The following BRCA2 variants were observed in gnomAD, a reference collection of about 807,000 sequenced individuals.
BRCA2 encodes breast cancer type 2 susceptibility protein.
Under a neutral mutation model 276.7 loss-of-function variants are expected in BRCA2, and 203 were observed. The observed-to-expected ratio is 0.73, with a 90% CI of 0.65 to 0.82. BRCA2 has a LOEUF of 0.82. BRCA2 is among the 40% of genes least tolerant of loss of function. The probability of loss-of-function intolerance (pLI) is 0.00; values close to 1 mark genes in which losing one functional copy is unlikely to be tolerated. For synonymous variants in BRCA2, 1,289 were observed against 1,338.4 expected (o/e 0.96, Z 0.81); for missense variants, 3,920 against 3,915.0 (o/e 1.00, Z -0.03).
At position 32,336,943 on chromosome 13, in the gene BRCA2, AT is replaced by A. The variant is rs397507632; in HGVS notation, c.2589del (p.Gln864LysfsTer10). 1 of 1,589,540 alleles carries A rather than the reference AT, an allele frequency of 6.3e-7. No individual in the cohort carries two copies. Among genetic ancestry groups the A allele is most frequent in the Admixed American group, 1.9e-5 (1 of 52,394 alleles). On this transcript the variant is annotated frameshift_variant, in exon 11 of 27. Transcript: ENST00000380152. LOFTEE classifies it high-confidence loss of function. Reference sequence around the variant, plus strand: ...ACAAATCTAAGAGTAATCCAAAAAAATCAAGAAGAAACTACTTCAATTTCAA... The same window carrying A: ...ACAAATCTAAGAGTAATCCAAAAAAACAAGAAGAAACTACTTCAATTTCAA... ...QNTNLRVIQK[N>X]QEETTSISKI... is the part of the protein sequence containing the mutation.
At chr13:32,359,448 C>A (rs911700864) in intron 16 of BRCA2, among the ~76,000 whole-genome samples, 1 of 152,042 alleles carries the variant, frequency 6.6e-6, no homozygotes, top group Non-Finnish European at 1.5e-5. Flanking sequence ...TATATAACCT[C>A]TTTTTATTGT....
intron 24 of BRCA2, among the ~76,000 whole-genome samples, chr13:32,392,014 G>T (rs1241095116): frequency 6.6e-6 from 1 of 152,154 alleles, no homozygotes; most frequent in African/African-American, 2.4e-5. Flanking sequence ...TTGGGAGAAG[G>T]ACAGTACTAT....
chr13:32,389,686 A>G (rs561329904), intron 24 of BRCA2, among the ~76,000 whole-genome samples: 13 of 152,352 alleles, frequency 8.5e-5, no homozygotes, highest in African/African-American at 2.9e-4. Flanking sequence ...TTCAACTAAC[A>G]ACGGGTTTAT....
rs771011731 is a variant in BRCA2, at chr13:32,319,190, C to G, written c.181C>G (p.Leu61Val). The part of the protein sequence containing the change: ...EHKNNNYEPN[L>V]FKTPQRKPSY... The stretch of plus-strand genomic sequence containing the variant: ...TAAAAACAACAATTACGAACCAAAC[C>G]TATTTAAAACTCCACAAAGGAAACC... Residue 61 changes from leucine to valine, a missense_variant, in exon 3 of 27, where the codon CTA (leucine) becomes GTA (valine). By Grantham distance (32) the Leu-to-Val change is conservative. This residue lies in a region of BRCA2 where 3,263 missense variants were observed against 3,156.9 expected (regional missense o/e 1.03). Coordinates refer to ENST00000380152, the MANE Select transcript of BRCA2 (RefSeq NM_000059.4). 1.9e-6 allele frequency: 3 copies of G among 1,613,992 alleles called. No homozygotes were observed. The Admixed American group carries it at 5.0e-5, about 27-fold the overall frequency.
At chr13:32,368,800 TTTTTTTTTGG>T (rs1198263800) in intron 18 of BRCA2, among the ~76,000 whole-genome samples, 2 of 26,704 alleles carry the variant, frequency 7.5e-5, no homozygotes, top group East Asian at 1.4e-3. Context: ...GTTTTTTTGT[TTTTTTTTTGG>T]TTTTTTTTGT....
intron 1 of BRCA2, among the ~76,000 whole-genome samples, 190 bp downstream of exon 1, chr13:32,315,857 C>A (rs1308445726): frequency 6.6e-6 from 1 of 152,218 alleles, no homozygotes; most frequent in African/African-American, 2.4e-5. Context: ...ATTCGAGCCC[C>A]GCCCCTTCCC....
chr13:32,365,994 G>A (rs1169118727), intron 18 of BRCA2, among the ~76,000 whole-genome samples: 1 of 150,938 alleles, frequency 6.6e-6, no homozygotes, highest in East Asian at 1.9e-4. Flanking sequence ...CTTCTGGGAT[G>A]GTTTTTAATT....
intron 18 of BRCA2, among the ~76,000 whole-genome samples, chr13:32,366,617 T>C (rs554299271): frequency 1.1e-3 from 169 of 151,134 alleles, no homozygotes; most frequent in Admixed American, 2.8e-3. Context: ...AGGTCAGGAG[T>C]TCAAGACCAG....
chr13:32,329,616 C>T, intron 8 of BRCA2, 124 bp downstream of exon 8: 2 of 794,722 alleles, frequency 2.5e-6, no homozygotes, highest in Non-Finnish European at 4.1e-6. Flanking sequence ...TTGAGAAAGT[C>T]TCTAAACCTG....
At chr13:32,370,627 A>G in intron 19 of BRCA2, 70 bp downstream of exon 19, 1 of 1,530,688 alleles carries the variant, frequency 6.5e-7, no homozygotes, top group Non-Finnish European at 9.0e-7. Context: ...TGTTTGTTTG[A>G]GATGGAGTTT....
At chr13:32,372,139 A>G (rs2072838724) in intron 20 of BRCA2, among the ~76,000 whole-genome samples, 1 of 152,200 alleles carries the variant, frequency 6.6e-6, no homozygotes, top group African/African-American at 2.4e-5. Context: ...GTTTGATAGC[A>G]TTTTATCCAT....
intron 16 of BRCA2, among the ~76,000 whole-genome samples, chr13:32,360,874 G>T (rs189862250): frequency 6.6e-6 from 1 of 152,182 alleles, no homozygotes; most frequent in Non-Finnish European, 1.5e-5. Context: ...GATATAAAAC[G>T]TGAGAGAGGA....
rs377549443 is a variant in BRCA2 at position 32,379,947 on chromosome 13, A to G, written c.9117+34A>G. On this transcript the variant is annotated intron_variant, in intron 23 of 26. Transcript: ENST00000380152. The stretch of plus-strand genomic sequence containing the variant: ...CTTTCATTGTAATTTTTCAGTTTTG[A>G]TAAGTGCTTGTTAGTTTATGGAATC... 1.1e-5 allele frequency: 17 copies of G among 1,613,088 alleles called. No homozygotes were observed. Among genetic ancestry groups the G allele is most frequent in the South Asian group, 9.9e-5 (9 of 91,024 alleles).
In BRCA2 at chr13:32,338,280, A is replaced by G. The variant is rs431825314; in HGVS notation, c.3925A>G (p.Ile1309Val). The G allele has an allele frequency of 1.3e-6, 2 of 1,569,726 alleles. No individual in the cohort carries two copies. Among genetic ancestry groups the G allele is most frequent in the Non-Finnish European group, 1.7e-6 (2 of 1,160,236 alleles). Reference sequence around the variant, plus strand: ...GACTACTGGCACTTTTGTTGAAGAAATTACTGAAAATTACAAGAGAAATAC... The same window carrying G: ...GACTACTGGCACTTTTGTTGAAGAAGTTACTGAAAATTACAAGAGAAATAC... ...EMTTGTFVEE[I>V]TENYKRNTEN... The change falls in exon 11 of 27, where the codon ATT becomes GTT. Residue 1309 changes from isoleucine to valine, a missense_variant. Around this residue, in one of 2 missense-constraint regions of BRCA2, gnomAD observed 3,263 missense variants for 3,156.9 expected, o/e 1.03. Transcript: ENST00000380152.
Position 32,316,446 on chromosome 13 carries a change from A to C in BRCA2, c.-15A>C, listed in dbSNP as rs138705202. ...GACTTATTTACCAAGCATTGGAGGA[A>C]TATCGTAGGTAAAAATGCCTATTGG... On this transcript the variant is annotated 5_prime_UTR_variant, in exon 2 of 27. Transcript: ENST00000380152. 1.2e-4 allele frequency: 201 copies of C among 1,609,822 alleles called. No homozygotes were observed. In the African/African-American group the frequency reaches 2.1e-3, roughly 17 times the overall value.
intron 11 of BRCA2, 65 bp from the exon 12 acceptor site, chr13:32,344,493 A>G: frequency 2.7e-6 from 3 of 1,099,452 alleles, no homozygotes; most frequent in Non-Finnish European, 4.0e-6. Flanking sequence ...AATGGTCTAT[A>G]GACTTTTGAG....
rs57551462 is a variant in BRCA2 at position 32,365,109 on chromosome 13, C to CTTTTTT, written c.8331+1599_8331+1604dup. Among the ~76,000 whole-genome samples the CTTTTTT allele has an allele frequency of 1.5e-3, 99 of 64,484 alleles. 13 individuals are homozygous for CTTTTTT. The highest frequency in any genetic ancestry group is 2.8e-3 in the African/African-American group (44 of 15,488). 42.3% of individuals were successfully genotyped at this position (64,484 alleles called of 152,430 possible). On this transcript the variant is annotated intron_variant, in intron 18 of 26. Transcript: ENST00000380152. Reference sequence around the variant, plus strand: ...TAGCTCCTGCTAATTGCAGTGCATTCTTTTTTTTTTTTTTTTTTTTTTTTT... The same window carrying CTTTTTT: ...TAGCTCCTGCTAATTGCAGTGCATTCTTTTTTTTTTTTTTTTTTTTTTTTTTTTTTT...
At position 32,340,704 on chromosome 13, in the gene BRCA2, T is replaced by G; in HGVS notation, c.6349T>G (p.Cys2117Gly). Residue 2117 changes from cysteine to glycine, a missense_variant, in exon 11 of 27, where the codon TGT becomes GGT. Around this residue, in one of 2 missense-constraint regions of BRCA2, gnomAD observed 3,263 missense variants for 3,156.9 expected, o/e 1.03. Transcript: ENST00000380152. ...TGTTGATAAGAGAAACCCAGAGCAC[T>G]GTGTAAACTCAGAAATGGAAAAAAC... Reference protein sequence around the residue: ...PRVDKRNPEHCVNSEMEKTCS... With the variant: ...PRVDKRNPEHGVNSEMEKTCS... The G allele has an allele frequency of 6.2e-7, 1 of 1,609,458 alleles. No homozygotes were observed. The highest frequency in any genetic ancestry group is 2.2e-5 in the East Asian group (1 of 44,788).
At position 32,340,073 on chromosome 13, in the gene BRCA2, C is replaced by T. The variant is rs2137520195; in HGVS notation, c.5718C>T (p.Asn1906=). 1 of 1,613,750 alleles carries T rather than the reference C, an allele frequency of 6.2e-7. No homozygotes were observed. The highest frequency in any genetic ancestry group is 8.5e-7 in the Non-Finnish European group (1 of 1,179,794). The change falls in exon 11 of 27, where the codon AAC becomes AAT. Residue 1906 remains asparagine, a synonymous_variant. Transcript: ENST00000380152. ...ALDDSEDILH[N]SLDNDECSTH... ...ATGATTCAGAGGATATTCTTCATAA[C>T]TCTCTAGATAATGATGAATGTAGCA...
Sources: allele counts gnomAD v4.1 joint callset (sites outside exome capture counted in the v4.1 genomes callset), GRCh38; gene constraint gnomAD v4.1.1; regional missense constraint gnomAD v4.1.1; transcripts MANE v1.5; gene names NCBI Gene and HGNC (gene_info 2026-07-23, HGNC 2026-07-21).